The following SND1 variants were observed in gnomAD, a reference collection of about 807,000 sequenced individuals.
SND1 encodes staphylococcal nuclease domain-containing protein 1.
SND1 carries 38 observed loss-of-function variants against 121.7 expected under a neutral mutation model. The observed-to-expected ratio is 0.31, with a 90% CI of 0.24 to 0.41. The LOEUF (loss-of-function observed/expected upper bound fraction) is 0.41. Ranked by LOEUF, SND1 falls within the 10% of genes least tolerant of loss-of-function variation. The probability of loss-of-function intolerance (pLI) is 1.00; values close to 1 mark genes in which losing one functional copy is unlikely to be tolerated. For synonymous variants in SND1, 401 were observed against 447.4 expected (o/e 0.90, Z 1.31); for missense variants, 868 against 1,184.6 (o/e 0.73, Z 3.92).
chr7:127,688,964 G>A (rs991814915), intron 2 of SND1, among the ~76,000 whole-genome samples: 3 of 152,076 alleles, frequency 2.0e-5, no homozygotes, highest in African/African-American at 7.2e-5. Context: ...TGAAGCAATG[G>A]TATAGATAAT....
At chr7:127,776,110 A>G (rs1280293537) in intron 10 of SND1, among the ~76,000 whole-genome samples, 1 of 152,216 alleles carries the variant, frequency 6.6e-6, no homozygotes, top group African/African-American at 2.4e-5. Flanking sequence ...TTTGAAGTTC[A>G]GTAGGCTTCA....
intron 10 of SND1, among the ~76,000 whole-genome samples, chr7:127,801,969 G>A (rs1798139077): frequency 6.6e-6 from 1 of 152,072 alleles, no homozygotes; most frequent in South Asian, 2.1e-4. Context: ...AGCCTCCCGA[G>A]TAGCTGGGAC....
At chr7:127,996,712 A>G (rs967546541) in intron 16 of SND1, among the ~76,000 whole-genome samples, 1 of 152,248 alleles carries the variant, frequency 6.6e-6, no homozygotes, top group Admixed American at 6.5e-5. Context: ...TGGAAAAGCA[A>G]GCAGGCTGTC....
chr7:127,682,428 A>G (rs1049438874), intron 1 of SND1, among the ~76,000 whole-genome samples: 9 of 152,156 alleles, frequency 5.9e-5, no homozygotes, highest in Non-Finnish European at 1.3e-4. Flanking sequence ...ACCTCAATCA[A>G]ACTGACTTAT....
intron 10 of SND1, among the ~76,000 whole-genome samples, chr7:127,769,646 C>T (rs1797480331): frequency 6.6e-6 from 1 of 151,054 alleles, no homozygotes; most frequent in Non-Finnish European, 1.5e-5. Context: ...ATTTCTTTTC[C>T]TTGTATAATG....
intron 16 of SND1, chr7:128,031,148 G>GGAGA (rs1375842834): frequency 1.3e-5 from 2 of 152,722 alleles, no homozygotes; most frequent in Non-Finnish European, 2.9e-5. Context: ...GGCGCGCCTG[G>GGAGA]GAGAGCCAAG....
chr7:127,936,075 G>T (rs1252608250), intron 15 of SND1, among the ~76,000 whole-genome samples: 1 of 152,188 alleles, frequency 6.6e-6, no homozygotes, highest in Non-Finnish European at 1.5e-5. Flanking sequence ...TGGGATAGCA[G>T]GTGGGGCTAG....
At chr7:127,994,585 A>AAAAAAAAAAC (rs1802599186) in intron 16 of SND1, among the ~76,000 whole-genome samples, 10 of 118,110 alleles carry the variant, frequency 8.5e-5, no homozygotes, top group Non-Finnish European at 1.6e-4. Flanking sequence ...AAAAAAAAAA[A>AAAAAAAAAAC]CAGTAAATTC....
intron 14 of SND1, among the ~76,000 whole-genome samples, chr7:127,919,688 T>C (rs958441524): frequency 6.6e-6 from 1 of 152,198 alleles, no homozygotes; most frequent in East Asian, 1.9e-4. Context: ...TCTGAAAATG[T>C]GGAAGATGTT....
intron 12 of SND1, among the ~76,000 whole-genome samples, chr7:127,865,390 C>G (rs948645794): frequency 1.3e-5 from 2 of 152,132 alleles, no homozygotes; most frequent in East Asian, 3.8e-4. Context: ...AGAAAGATGC[C>G]ATACAGATGT....
rs922767639 is a variant in SND1, at chr7:128,085,360, G to T, written c.2235-351G>T. Among the ~76,000 whole-genome samples, 13 of 152,206 alleles carry T rather than the reference G, an allele frequency of 8.5e-5. No homozygotes were observed. The highest frequency in any genetic ancestry group is 2.9e-4 in the African/African-American group (12 of 41,452). Reference sequence around the variant, plus strand: ...AAGTGACTTGGATATGTTCCCTGCTGCGGCCTCCCAGGCAGATCTGCTGGC... The same window carrying T: ...AAGTGACTTGGATATGTTCCCTGCTTCGGCCTCCCAGGCAGATCTGCTGGC... On this transcript the variant is annotated intron_variant, in intron 19 of 23. Transcript: ENST00000354725. This position sits in a 1 kb window ranked among gnomAD's most constrained non-coding sequence, Gnocchi z 4.4.
At chr7:127,902,881 T>C (rs1365764516) in intron 13 of SND1, among the ~76,000 whole-genome samples, 2 of 151,572 alleles carry the variant, frequency 1.3e-5, no homozygotes, top group Admixed American at 6.6e-5. Flanking sequence ...ACCTGGCTGA[T>C]TTATTTTATT....
At chr7:127,950,742 G>C (rs1346026743) in intron 15 of SND1, among the ~76,000 whole-genome samples, 1 of 152,192 alleles carries the variant, frequency 6.6e-6, no homozygotes, top group Non-Finnish European at 1.5e-5. Context: ...TTACAGAGAT[G>C]TAATGGTGGC....
chr7:127,828,158 G>A (rs966577211), intron 11 of SND1, among the ~76,000 whole-genome samples: 19 of 151,752 alleles, frequency 1.3e-4, no homozygotes, highest in Admixed American at 1.3e-4. Flanking sequence ...CACCATGCCC[G>A]GCTAATTTTG....
chr7:127,926,006 T>C (rs1800825420), intron 14 of SND1, among the ~76,000 whole-genome samples: 1 of 152,028 alleles, frequency 6.6e-6, no homozygotes, highest in Non-Finnish European at 1.5e-5. Flanking sequence ...CTACTTGCAC[T>C]CTCTCTTTGG....
At chr7:127,894,441 G>C (rs1164087721) in intron 13 of SND1, among the ~76,000 whole-genome samples, 1 of 151,774 alleles carries the variant, frequency 6.6e-6, no homozygotes, top group Non-Finnish European at 1.5e-5. Flanking sequence ...TGTGTCTTCA[G>C]TTTTACTAGC....
chr7:127,774,643 A>G (rs1797581377), intron 10 of SND1, among the ~76,000 whole-genome samples: 1 of 151,948 alleles, frequency 6.6e-6, no homozygotes, highest in Non-Finnish European at 1.5e-5. Flanking sequence ...CAGTGGCACA[A>G]GCTCAGCTCA....
intron 16 of SND1, among the ~76,000 whole-genome samples, chr7:128,071,901 A>G (rs371226329): frequency 3.9e-5 from 6 of 152,214 alleles, no homozygotes; most frequent in African/African-American, 7.2e-5. Flanking sequence ...GATTTCTTTC[A>G]TCTGCGGCTG....
intron 15 of SND1, among the ~76,000 whole-genome samples, chr7:127,962,918 A>T (rs1437244549): frequency 6.6e-6 from 1 of 152,226 alleles, no homozygotes; most frequent in Non-Finnish European, 1.5e-5. Flanking sequence ...TTCTCTAAGC[A>T]TCAGTTCAAA....
Sources: gnomAD v4.1 joint callset for allele counts (sites outside exome capture counted in the v4.1 genomes callset) on GRCh38, gnomAD v4.1.1 for gene constraint, Gnocchi (gnomAD v3.1) non-coding constraint, MANE v1.5 for transcripts, NCBI Gene and HGNC (gene_info 2026-07-23, HGNC 2026-07-21) for gene names.